DERPC: variants seen among roughly 807,000 people sequenced by gnomAD.
The protein encoded by DERPC is DERPC proline and glycine rich nuclear protein.
DERPC carries 1 observed loss-of-function variant against 7.2 expected under a neutral mutation model. The observed-to-expected ratio is 0.14, with a 90% confidence interval of 0.05 to 0.66. The LOEUF is 0.66. DERPC is among the 30% of genes least tolerant of loss of function. DERPC has a pLI of 0.84. For missense variants in DERPC, 502 were observed against 299.4 expected (o/e 1.68, Z -4.99); for synonymous variants, 185 against 117.6 (o/e 1.57, Z -3.71).
At chr16:69,132,105 TCGCCGCCCCCTTCTCCGTCCTCCGCCCG>T (rs1962581712) in intron 1 of DERPC, 1 of 154,446 alleles carries the variant, frequency 6.5e-6, no homozygotes, top group African/African-American at 2.4e-5. Flanking sequence ...ATTCCGGCCC[TCGCCGCCCCCTTCTCCGTCCTCCGCCCG>T]CGCTCGGCCA....
chr16:69,121,008 C>A, intron 2 of DERPC: 1 of 1,535,014 alleles, frequency 6.5e-7, no homozygotes, highest in Non-Finnish European at 9.0e-7. Context: ...CTTGGTGTAG[C>A]TTGCTTTCCT....
chr16:69,129,281 T>A (rs1273883470), intron 1 of DERPC, among the ~76,000 whole-genome samples: 1 of 151,238 alleles, frequency 6.6e-6, no homozygotes, highest in Non-Finnish European at 1.5e-5. Context: ...ATACAAAAAA[T>A]TAGCCGGGCG....
Position 69,120,419 on chromosome 16 carries a change from G to C in DERPC, c.10C>G (p.Pro4Ala), listed in dbSNP as rs1397606378. 1.2e-6 allele frequency: 2 copies of C among 1,614,076 alleles called. No individual in the cohort carries two copies. Among genetic ancestry groups the C allele is most frequent in the Non-Finnish European group, 1.7e-6 (2 of 1,179,952 alleles). The change falls in exon 3 of 3, where the codon CCT becomes GCT. Residue 4 changes from proline to alanine, a missense_variant. Pro to Ala is a conservative substitution (Grantham distance 27). Coordinates refer to ENST00000519520, the MANE Select transcript of DERPC (RefSeq NM_001002847.4). This position sits in a 1 kb window ranked among gnomAD's most constrained non-coding sequence, Gnocchi z 4.0. ...GGCCGCTCTCTAGGGAAAATCCGAGGTTCTTTCATACTTTCTTGGGGACGC... is the reference window on the plus strand; with the variant it reads ...GGCCGCTCTCTAGGGAAAATCCGAGCTTCTTTCATACTTTCTTGGGGACGC... MKE[P>A]RIFPRERPTP...
At position 69,118,345 on chromosome 16, in the gene DERPC, T is replaced by G; in HGVS notation, c.*509A>C. On this transcript the variant is annotated 3_prime_UTR_variant, in exon 3 of 3. Coordinates refer to ENST00000519520, the MANE Select transcript of DERPC (RefSeq NM_001002847.4). ...GAAGTGGTTGTCCATCTCCCTGTTC[T>G]GTGTTCAAGCCCCCAGGGAAAGGTA... 1 of 1,547,742 alleles carries G rather than the reference T, an allele frequency of 6.5e-7. No homozygotes were observed. Among genetic ancestry groups the G allele is most frequent in the Non-Finnish European group, 8.9e-7 (1 of 1,119,362 alleles).
At position 69,121,479 on chromosome 16, in the gene DERPC, GC is replaced by G; in HGVS notation, c.-266del. ...ACCATGAGCTTTCTGTCTTTAAAAA[GC>G]AAGTGAAAACAAGCTGTAGAGAGAA... On this transcript the variant is annotated 5_prime_UTR_variant, in exon 2 of 3. Transcript: ENST00000519520. 6.3e-7 allele frequency: 1 copy of G among 1,596,086 alleles called. No individual in the cohort carries two copies.
In DERPC at chr16:69,120,641, A is replaced by C. The variant is rs1961583074; in HGVS notation, c.-213T>G. ...GGATATGATGCCCCACGATCAGCAC[A>C]GGGATTCCCTTTGGCAGAACAAGAA... On this transcript the variant is annotated 5_prime_UTR_variant, in exon 3 of 3. Transcript: ENST00000519520. This position sits in a 1 kb window ranked among gnomAD's most constrained non-coding sequence, Gnocchi z 4.0. 3 of 1,608,306 alleles carry C rather than the reference A, an allele frequency of 1.9e-6. No individual in the cohort carries two copies. Among genetic ancestry groups the C allele is most frequent in the Admixed American group, 1.7e-5 (1 of 59,888 alleles).
chr16:69,127,525 AG>A (rs1962155716), intron 1 of DERPC, among the ~76,000 whole-genome samples: 1 of 151,840 alleles, frequency 6.6e-6, no homozygotes, highest in East Asian at 1.9e-4. Context: ...GAGCATCTGA[AG>A]GCACGATTTG....
chr16:69,121,364 T>A (rs778057586), intron 2 of DERPC, 72 bp downstream of exon 2: 6 of 1,402,748 alleles, frequency 4.3e-6, no homozygotes, highest in Non-Finnish European at 5.9e-6. Context: ...CCCTGATTCT[T>A]CCAGACACAT....
rs1303859960 is a variant in DERPC, at chr16:69,118,209, G to A, written c.*645C>T. The A allele has an allele frequency of 3.5e-6, 2 of 570,678 alleles. No homozygotes were observed. Among genetic ancestry groups the A allele is most frequent in the Non-Finnish European group, 6.5e-6 (2 of 309,796 alleles). The allele number at this position is 570,678 out of a possible 1,614,324, so 35.4% of individuals were successfully genotyped here. A position where few individuals can be genotyped will look rare whatever the true frequency, so the allele number is the denominator to read the frequency against. On this transcript the variant is annotated 3_prime_UTR_variant, in exon 3 of 3. Coordinates refer to ENST00000519520, the MANE Select transcript of DERPC (RefSeq NM_001002847.4). ...GATTGATTGGGAGTACCAGTGAAGA[G>A]GGAGTTGGATGAGTAGAGGGGCCTT...
intron 1 of DERPC, among the ~76,000 whole-genome samples, chr16:69,121,870 C>A (rs1034288454): frequency 2.0e-5 from 3 of 152,142 alleles, no homozygotes; most frequent in African/African-American, 7.2e-5. Context: ...GGGGTTTCAC[C>A]ATGTTAGCCA....
chr16:69,130,505 G>A (rs1233863352), intron 1 of DERPC, among the ~76,000 whole-genome samples: 1 of 152,158 alleles, frequency 6.6e-6, no homozygotes, highest in African/African-American at 2.4e-5. Context: ...CGAATATAGT[G>A]AAGCACTCAC....
At chr16:69,128,150 T>G (rs1962219504) in intron 1 of DERPC, among the ~76,000 whole-genome samples, 1 of 151,910 alleles carries the variant, frequency 6.6e-6, no homozygotes, top group African/African-American at 2.4e-5. Flanking sequence ...CCTGACCTCA[T>G]GATCCACCCG....
intron 1 of DERPC, among the ~76,000 whole-genome samples, chr16:69,123,664 T>C (rs536304362): frequency 6.6e-6 from 1 of 152,104 alleles, no homozygotes; most frequent in African/African-American, 2.4e-5. Flanking sequence ...AATCAATCAA[T>C]CAATAAATCC....
chr16:69,127,172 A>G (rs1198173281), intron 1 of DERPC, among the ~76,000 whole-genome samples: 3 of 151,684 alleles, frequency 2.0e-5, no homozygotes, highest in African/African-American at 7.3e-5. Flanking sequence ...TGGGAGGCGG[A>G]GGCTGCAGTG....
intron 1 of DERPC, among the ~76,000 whole-genome samples, chr16:69,124,377 TA>T (rs1961908712): frequency 6.6e-6 from 1 of 152,150 alleles, no homozygotes; most frequent in African/African-American, 2.4e-5. Context: ...ATAGGTATTA[TA>T]ATTGTGCTCA....
chr16:69,129,621 G>T (rs530246861), intron 1 of DERPC, among the ~76,000 whole-genome samples: 1 of 152,194 alleles, frequency 6.6e-6, no homozygotes, highest in Admixed American at 6.5e-5. Context: ...AGGCTTAGAG[G>T]AGCTAAATGT....
At position 69,120,851 on chromosome 16, in the gene DERPC, AGAAATG is replaced by A; in HGVS notation, c.-221-208_-221-203del. The A allele has an allele frequency of 1.3e-6, 1 of 744,924 alleles. No homozygotes were observed. The highest frequency in any genetic ancestry group is 1.5e-5 in the South Asian group (1 of 68,468). The allele number at this position is 744,924 out of a possible 1,614,324, so 46.1% of individuals were successfully genotyped here. ...CCCACATAGGAGAATTTCCACTTTC[AGAAATG>A]TGAGCTTTCCAGATTCCCCAAAATT... On this transcript the variant is annotated intron_variant, in intron 2 of 2. Coordinates refer to ENST00000519520, the MANE Select transcript of DERPC (RefSeq NM_001002847.4). The surrounding 1 kb of genome is among the most constrained non-coding windows in gnomAD (Gnocchi z 4.0).
At chr16:69,121,156 C>A (rs776627380) in intron 2 of DERPC, 1 of 1,612,948 alleles carries the variant, frequency 6.2e-7, no homozygotes, top group South Asian at 1.1e-5. Context: ...TTCTGCCAGG[C>A]CTCCAGCCCT....
In DERPC at chr16:69,118,683, C is replaced by CATCT; in HGVS notation, c.*167_*170dup. 2 of 670,664 alleles carry CATCT rather than the reference C, an allele frequency of 3.0e-6. No individual in the cohort carries two copies. Among genetic ancestry groups the CATCT allele is most frequent in the Non-Finnish European group, 5.4e-6 (2 of 370,114 alleles). The allele number at this position is 670,664 out of a possible 1,614,324, so 41.5% of individuals were successfully genotyped here. A position where few individuals can be genotyped will look rare whatever the true frequency, so the allele number is the denominator to read the frequency against. Reference sequence around the variant, plus strand: ...GCCACAGTTCACATGCCACAAATAACATCTCACCTTCAGTCAAGAAAAACG... The same window carrying CATCT: ...GCCACAGTTCACATGCCACAAATAACATCTATCTCACCTTCAGTCAAGAAAAACG... On this transcript the variant is annotated 3_prime_UTR_variant, in exon 3 of 3. Coordinates refer to ENST00000519520, the MANE Select transcript of DERPC (RefSeq NM_001002847.4).
Sources: gnomAD v4.1 joint callset for allele counts (sites outside exome capture counted in the v4.1 genomes callset) on GRCh38, gnomAD v4.1.1 for gene constraint, Gnocchi (gnomAD v3.1) non-coding constraint, MANE v1.5 for transcripts, NCBI Gene and HGNC (gene_info 2026-07-23, HGNC 2026-07-21) for gene names.